The following ZMYM4 variants were observed in gnomAD, a reference collection of about 807,000 sequenced individuals.
ZMYM4 encodes the protein zinc finger MYM-type protein 4.
ZMYM4 carries 31 observed loss-of-function variants against 183.2 expected under a neutral mutation model. The observed-to-expected ratio is 0.17, with a 90% confidence interval of 0.13 to 0.23. The LOEUF (loss-of-function observed/expected upper bound fraction) is 0.23, where lower values mean the gene tolerates loss of function less well. Ranked by LOEUF, ZMYM4 falls within the 10% of genes least tolerant of loss-of-function variation. The probability of loss-of-function intolerance (pLI) is 1.00; values close to 1 mark genes in which losing one functional copy is unlikely to be tolerated. For synonymous variants in ZMYM4, 592 were observed against 631.2 expected (o/e 0.94, Z 0.93); for missense variants, 1,273 against 1,840.3 (o/e 0.69, Z 5.64).
intron 1 of ZMYM4, among the ~76,000 whole-genome samples, chr1:35,281,484 G>T (rs113650301): frequency 0.037 from 5,667 of 151,972 alleles, 167 homozygotes; most frequent in Non-Finnish European, 0.057. Context: ...GGAAGATATT[G>T]GTCCAAGAGT....
chr1:35,413,800 A>G (rs552381456), intron 26 of ZMYM4, among the ~76,000 whole-genome samples, 172 bp from the exon 27 acceptor site: 3 of 152,352 alleles, frequency 2.0e-5, no homozygotes, highest in African/African-American at 7.2e-5. Context: ...CAGGAGCTTT[A>G]GCTTGAATTC....
At chr1:35,361,309 T>G (rs1339198988) in intron 4 of ZMYM4, 54 bp downstream of exon 4, 14 of 1,500,386 alleles carry the variant, frequency 9.3e-6, no homozygotes, top group Non-Finnish European at 9.9e-6. Flanking sequence ...TGTCAAAGTT[T>G]TCTTTATGTC....
At chr1:35,419,251 A>G (rs1212619682) in intron 29 of ZMYM4, among the ~76,000 whole-genome samples, 4 of 152,060 alleles carry the variant, frequency 2.6e-5, no homozygotes, top group African/African-American at 9.7e-5. Context: ...CCTGTAAACT[A>G]TTTATCTCTG....
intron 2 of ZMYM4, among the ~76,000 whole-genome samples, chr1:35,353,765 C>T (rs928855876): frequency 3.3e-5 from 5 of 152,212 alleles, no homozygotes; most frequent in Non-Finnish European, 7.3e-5. Flanking sequence ...CTAGTACTTA[C>T]ATTTTAATTG....
chr1:35,417,238 C>CA (rs755183094), intron 28 of ZMYM4, among the ~76,000 whole-genome samples: 585 of 83,384 alleles, frequency 7.0e-3, no homozygotes, highest in African/African-American at 0.016. Context: ...CCCTGTCTCC[C>CA]AAAAAAAAAA....
intron 1 of ZMYM4, among the ~76,000 whole-genome samples, chr1:35,274,891 A>G (rs1639793796): frequency 6.6e-6 from 1 of 152,208 alleles, no homozygotes; most frequent in Admixed American, 6.6e-5. Flanking sequence ...ATCAATTATT[A>G]CTTGAACTGG....
At chr1:35,416,603 ACCC>A (rs1435843715) in intron 28 of ZMYM4, among the ~76,000 whole-genome samples, 1 of 152,024 alleles carries the variant, frequency 6.6e-6, no homozygotes, top group African/African-American at 2.4e-5. Flanking sequence ...TCACTCTGTC[ACCC>A]AGGTTGGAGT....
chr1:35,396,564 GTC>G lies in ZMYM4; in HGVS notation c.2925_2926del (p.Ser975ArgfsTer48). ...TTGTTACTGTTAGAAGACACTCCAA[GTC>G]AGCCCCAGATTATTGTGGTGCCAGT... On this transcript the variant is annotated frameshift_variant, in exon 19 of 30. Transcript: ENST00000314607. LOFTEE classifies it high-confidence loss of function. 1 of 1,613,722 alleles carries G rather than the reference GTC, an allele frequency of 6.2e-7. No homozygotes were observed. Among genetic ancestry groups the G allele is most frequent in the Non-Finnish European group, 8.5e-7 (1 of 1,179,758 alleles).
chr1:35,342,293 C>T (rs572177992), intron 2 of ZMYM4, among the ~76,000 whole-genome samples: 1 of 151,956 alleles, frequency 6.6e-6, no homozygotes, highest in Non-Finnish European at 1.5e-5. Flanking sequence ...TAGCTGGGAC[C>T]ACAGGCATGT....
chr1:35,403,031 G>C (rs1442636623), intron 23 of ZMYM4, among the ~76,000 whole-genome samples: 2 of 152,178 alleles, frequency 1.3e-5, no homozygotes, highest in South Asian at 4.1e-4. Flanking sequence ...TCAGGTTGAA[G>C]AAGTTCCCCT....
chr1:35,314,609 T>A (rs1641956493), intron 1 of ZMYM4, among the ~76,000 whole-genome samples: 1 of 151,514 alleles, frequency 6.6e-6, no homozygotes, highest in African/African-American at 2.4e-5. Flanking sequence ...AGGGTAAATA[T>A]AGTATTTTAT....
intron 2 of ZMYM4, among the ~76,000 whole-genome samples, chr1:35,356,076 G>A (rs1258076378): frequency 6.6e-6 from 1 of 152,136 alleles, no homozygotes; most frequent in Non-Finnish European, 1.5e-5. Context: ...CAGATGTGGC[G>A]GCATGCGCCT....
At chr1:35,387,318 G>C in intron 12 of ZMYM4, 40 bp downstream of exon 12, 2 of 1,597,524 alleles carry the variant, frequency 1.3e-6, no homozygotes, top group Non-Finnish European at 1.7e-6. Flanking sequence ...TTGAGTATAC[G>C]TGGGTCTATT....
At chr1:35,357,227 C>T (rs1215137798) in intron 2 of ZMYM4, among the ~76,000 whole-genome samples, 1 of 152,034 alleles carries the variant, frequency 6.6e-6, no homozygotes, top group Non-Finnish European at 1.5e-5. Flanking sequence ...TCAGTTGGGA[C>T]CTGATTACAG....
chr1:35,268,993 G>A lies in ZMYM4; in HGVS notation c.-54G>A. The A allele has an allele frequency of 6.6e-7, 1 of 1,506,064 alleles. No individual in the cohort carries two copies. Among genetic ancestry groups the A allele is most frequent in the Non-Finnish European group, 8.9e-7 (1 of 1,126,832 alleles). The allele number at this position is 1,506,064 out of a possible 1,614,324, so 93.3% of individuals were successfully genotyped here. A position where few individuals can be genotyped will look rare whatever the true frequency, so the allele number is the denominator to read the frequency against. On this transcript the variant is annotated 5_prime_UTR_variant, in exon 1 of 30. Transcript: ENST00000314607. Reference sequence around the variant, plus strand: ...GTGTGGGCGGGGGCCGGGGGGCCGAGAGGTACCGCCGCCACCGCGCGGGGA... The same window carrying A: ...GTGTGGGCGGGGGCCGGGGGGCCGAAAGGTACCGCCGCCACCGCGCGGGGA...
chr1:35,387,160 G>A lies in ZMYM4; in HGVS notation c.1994G>A (p.Gly665Asp). ...TCCATCAGTAGCTCTGCTGCAGCTGGTCTCCAGCGTCTCGCTGCCCAGTCC... is the reference window on the plus strand; with the variant it reads ...TCCATCAGTAGCTCTGCTGCAGCTGATCTCCAGCGTCTCGCTGCCCAGTCC... ...PTSISSSAAA[G>D]LQRLAAQSQH... The change falls in exon 12 of 30, where the codon GGT becomes GAT. Residue 665 changes from glycine (G) to aspartate (D), a missense_variant. Physicochemically the swap from Gly to Asp is moderately conservative, Grantham distance 94 (BLOSUM62 -1). Coordinates refer to ENST00000314607, the MANE Select transcript of ZMYM4 (RefSeq NM_005095.3). 1.2e-6 allele frequency: 2 copies of A among 1,614,190 alleles called. No individual in the cohort carries two copies. Among genetic ancestry groups the A allele is most frequent in the South Asian group, 1.1e-5 (1 of 91,080 alleles).
chr1:35,387,178 C>T lies in ZMYM4; in HGVS notation c.2012C>T (p.Ala671Val). 1 of 1,614,224 alleles carries T rather than the reference C, an allele frequency of 6.2e-7. No homozygotes were observed. Among genetic ancestry groups the T allele is most frequent in the Non-Finnish European group, 8.5e-7 (1 of 1,180,038 alleles). The change falls in exon 12 of 30, where the codon GCC becomes GTC. Residue 671 changes from alanine to valine, a missense_variant. Physicochemically the swap from Ala to Val is moderately conservative, Grantham distance 64. Transcript: ENST00000314607. ...GCAGCTGGTCTCCAGCGTCTCGCTG[C>T]CCAGTCCCAGCATGTTGGGTTTGCA... ...SAAAGLQRLA[A>V]QSQHVGFARS...
chr1:35,312,925 G>A (rs1012072931), intron 1 of ZMYM4, among the ~76,000 whole-genome samples: 2 of 152,060 alleles, frequency 1.3e-5, no homozygotes, highest in Middle Eastern at 3.4e-3. Context: ...ACGGAGTCTC[G>A]CTCTGTCACC....
chr1:35,301,838 G>T lies in ZMYM4; in HGVS notation c.40-23522G>T, dbSNP rs531534724. ...TTCCTCAACTTCGGGAGATTGCCAG[G>T]CTCCATTTAGGTTCACTCTGTATGC... On this transcript the variant is annotated intron_variant, in intron 1 of 29. Transcript: ENST00000314607. Among the ~76,000 whole-genome samples, 176 of 152,182 alleles carry T rather than the reference G, an allele frequency of 1.2e-3. 1 individual carries two copies. Among genetic ancestry groups the T allele is most frequent in the African/African-American group, 4.1e-3 (171 of 41,514 alleles).
Sources: gnomAD v4.1 joint callset for allele counts (sites outside exome capture counted in the v4.1 genomes callset) on GRCh38, gnomAD v4.1.1 for gene constraint, MANE v1.5 for transcripts, NCBI Gene and HGNC (gene_info 2026-07-23, HGNC 2026-07-21) for gene names.